The following RIPOR2 variants were observed in gnomAD, a reference collection of about 807,000 sequenced individuals.
RIPOR2 encodes the protein rho family-interacting cell polarization regulator 2.
A neutral mutation model predicts 114.5 loss-of-function variants in RIPOR2; 39 were observed. That is an observed-to-expected ratio of 0.34 (90% CI 0.26 to 0.44). The LOEUF (loss-of-function observed/expected upper bound fraction) is 0.44. Ranked by LOEUF, RIPOR2 falls within the 20% of genes least tolerant of loss-of-function variation. The pLI, the probability that RIPOR2 is intolerant of heterozygous loss-of-function variation, is 1.00. For synonymous variants in RIPOR2, 445 were observed against 484.4 expected, an observed-to-expected ratio of 0.92 and a Z score of 1.07; for missense variants, 1,007 against 1,255.1, an observed-to-expected ratio of 0.80 and a Z score of 2.99.
At position 25,037,774 on chromosome 6, in the gene RIPOR2, ATG is replaced by A. The variant is rs567498984; in HGVS notation, c.76+4075_76+4076del. 1.8e-4 allele frequency among the ~76,000 whole-genome samples: 28 copies of A among 152,292 alleles called. No individual in the cohort carries two copies. The highest frequency in any genetic ancestry group is 6.5e-4 in the African/African-American group (27 of 41,556). ...GAACTTTGGGATCCATTGCTTTACT[ATG>A]AGTTTAATTTTGATGGAACCCAAAC... is the stretch of plus-strand genomic sequence containing the variant. On this transcript the variant is annotated intron_variant, in intron 1 of 13. Transcript: ENST00000510784. This position sits in a 1 kb window ranked among gnomAD's most constrained non-coding sequence, Gnocchi z 4.5.
chr6:25,029,304 A>G (rs1776784689), intron 1 of RIPOR2, among the ~76,000 whole-genome samples: 1 of 149,214 alleles, frequency 6.7e-6, no homozygotes, highest in Non-Finnish European at 1.5e-5. Flanking sequence ...TGGGAGGCTA[A>G]GGCAGGAGAA....
chr6:24,973,706 A>G (rs1773900347), intron 1 of RIPOR2, among the ~76,000 whole-genome samples: 1 of 152,170 alleles, frequency 6.6e-6, no homozygotes, highest in South Asian at 2.1e-4. Context: ...GTGCCCATCA[A>G]TGGTGGACTG....
intron 1 of RIPOR2, among the ~76,000 whole-genome samples, chr6:24,880,643 T>G (rs552406554): frequency 3.9e-5 from 6 of 152,216 alleles, no homozygotes; most frequent in Non-Finnish European, 8.8e-5. Flanking sequence ...GAGTAATAAC[T>G]GTATTTATAA....
intron 1 of RIPOR2, 96 bp downstream of exon 1, chr6:24,935,742 T>C (rs1297274858): frequency 9.8e-6 from 8 of 819,520 alleles, no homozygotes; most frequent in Non-Finnish European, 1.6e-5. Flanking sequence ...CATTTCAAAA[T>C]ACTCAAGTCC....
chr6:24,980,444 A>G (rs1432631481), intron 1 of RIPOR2, among the ~76,000 whole-genome samples: 1 of 152,224 alleles, frequency 6.6e-6, no homozygotes, highest in Non-Finnish European at 1.5e-5. Flanking sequence ...ATGCATTTTT[A>G]TATAAATGGA....
chr6:24,832,175 G>T, intron 16 of RIPOR2, 81 bp downstream of exon 16: 1 of 1,314,224 alleles, frequency 7.6e-7, no homozygotes, highest in Non-Finnish European at 1.0e-6. Flanking sequence ...TTCCAACAAA[G>T]CAATGAACAT....
intron 1 of RIPOR2, among the ~76,000 whole-genome samples, chr6:24,943,378 T>C (rs1251663711): frequency 1.3e-5 from 2 of 152,110 alleles, no homozygotes; most frequent in Non-Finnish European, 2.9e-5. Flanking sequence ...CATTAGGAGA[T>C]ACACCTAATG....
chr6:25,029,373 C>A (rs1435261477), intron 1 of RIPOR2, among the ~76,000 whole-genome samples: 2 of 128,162 alleles, frequency 1.6e-5, no homozygotes, highest in African/African-American at 5.8e-5. Context: ...CCGCTGCACT[C>A]CAACCTGGAC....
chr6:24,819,920 A>G (rs1389915662), intron 19 of RIPOR2, among the ~76,000 whole-genome samples: 1 of 152,110 alleles, frequency 6.6e-6, no homozygotes, highest in Non-Finnish European at 1.5e-5. Flanking sequence ...AGGAAACTTA[A>G]TTACTCTTGA....
At chr6:24,847,696 A>T in intron 12 of RIPOR2, 1 of 1,546,442 alleles carries the variant, frequency 6.5e-7, no homozygotes, top group Non-Finnish European at 8.8e-7. Flanking sequence ...CCACCTCTTC[A>T]GAAGTGAAAG....
chr6:24,940,105 G>A (rs185689026), upstream of RIPOR2, among the ~76,000 whole-genome samples: 1 of 152,170 alleles, frequency 6.6e-6, no homozygotes. Flanking sequence ...GGCATGTGTT[G>A]TGTTGAACAT....
intron 1 of RIPOR2, among the ~76,000 whole-genome samples, chr6:24,954,453 CTCCTTTTTTTT>C (rs1010099043): frequency 1.2e-4 from 1 of 8,564 alleles, no homozygotes; most frequent in African/African-American, 2.6e-4. Flanking sequence ...CAGTCTCTCT[CTCCTTTTTTTT>C]TTTTTTTTTG....
intron 1 of RIPOR2, among the ~76,000 whole-genome samples, chr6:25,024,782 G>C (rs73729598): frequency 6.6e-6 from 1 of 152,148 alleles, no homozygotes; most frequent in Non-Finnish European, 1.5e-5. Context: ...GGTGAGTATC[G>C]GACTTAGCTG....
chr6:24,935,252 G>A (rs2114160175), intron 1 of RIPOR2, among the ~76,000 whole-genome samples: 1 of 146,960 alleles, frequency 6.8e-6, no homozygotes, highest in South Asian at 2.2e-4. Flanking sequence ...AGGTTGCAGT[G>A]AGCTGAGATT....
chr6:24,997,366 G>C (rs1232714805), intron 1 of RIPOR2, among the ~76,000 whole-genome samples: 1 of 152,116 alleles, frequency 6.6e-6, no homozygotes, highest in Admixed American at 6.5e-5. Flanking sequence ...GTAGTATTTG[G>C]CCCAGAAAGA....
chr6:24,950,848 A>G (rs1478738546), intron 1 of RIPOR2, among the ~76,000 whole-genome samples: 1 of 152,138 alleles, frequency 6.6e-6, no homozygotes, highest in African/African-American at 2.4e-5. Flanking sequence ...TGATTTCTCA[A>G]ATCTTTTATT....
chr6:24,818,500 T>A (rs1186167267), intron 20 of RIPOR2, 42 bp downstream of exon 20: 2 of 1,322,218 alleles, frequency 1.5e-6, no homozygotes, highest in Non-Finnish European at 2.1e-6. Flanking sequence ...TTAGCCTGGC[T>A]CCAAGCTGAG....
intron 1 of RIPOR2, among the ~76,000 whole-genome samples, chr6:24,887,737 C>A (rs1459730360): frequency 2.6e-5 from 4 of 152,194 alleles, no homozygotes; most frequent in Non-Finnish European, 5.9e-5. Flanking sequence ...CATTTCTATT[C>A]ATTGGGACAG....
At chr6:25,013,392 G>T (rs1241980522) in intron 1 of RIPOR2, among the ~76,000 whole-genome samples, 1 of 152,146 alleles carries the variant, frequency 6.6e-6, no homozygotes, top group Non-Finnish European at 1.5e-5. Flanking sequence ...AGGGCAGGGG[G>T]AATGAATGAG....
Sources: allele counts gnomAD v4.1 joint callset (sites outside exome capture counted in the v4.1 genomes callset), GRCh38; gene constraint gnomAD v4.1.1; non-coding constraint Gnocchi (gnomAD v3.1); transcripts MANE v1.5; gene names NCBI Gene and HGNC (gene_info 2026-07-23, HGNC 2026-07-21).